The following TRPM2 variants were observed in gnomAD, a reference collection of about 807,000 sequenced individuals.
The protein encoded by TRPM2 is estrogen-responsive element-associated gene 1 protein.
Under a neutral mutation model 174.0 loss-of-function variants are expected in TRPM2, and 161 were observed. The ratio of observed to expected loss-of-function variants is 0.93; its 90% CI spans 0.81 to 1.05. The LOEUF (loss-of-function observed/expected upper bound fraction) is 1.05. Among genes scored for constraint, TRPM2 ranks in the 50% least tolerant of loss-of-function variants. The pLI, the probability that TRPM2 is intolerant of heterozygous loss-of-function variation, is 0.00. For synonymous variants in TRPM2, 954 were observed against 861.3 expected, an observed-to-expected ratio of 1.11 and a Z score of -1.88; for missense variants, 2,057 against 2,038.0, an observed-to-expected ratio of 1.01 and a Z score of -0.18.
At chr21:44,373,817 A>G (rs1250388515) in intron 5 of TRPM2, among the ~76,000 whole-genome samples, 5 of 152,206 alleles carry the variant, frequency 3.3e-5, no homozygotes, top group Admixed American at 2.0e-4. Context: ...TTCATCATTT[A>G]CAGTTCTGCT....
intron 22 of TRPM2, among the ~76,000 whole-genome samples, chr21:44,418,903 G>A (rs1453387152): frequency 1.3e-5 from 2 of 152,242 alleles, no homozygotes; most frequent in Non-Finnish European, 1.5e-5. Context: ...GGGGTGGTTT[G>A]CTCTGTGAGC....
chr21:44,355,277 G>GTCTCT (rs45601835), intron 2 of TRPM2, among the ~76,000 whole-genome samples: 2,403 of 151,946 alleles, frequency 0.016, 52 homozygotes, highest in African/African-American at 0.042. Context: ...CATGGCCACT[G>GTCTCT]TCTCTGAGTG....
intron 13 of TRPM2, among the ~76,000 whole-genome samples, chr21:44,398,145 C>T (rs575909010): frequency 7.9e-5 from 12 of 151,958 alleles, no homozygotes; most frequent in African/African-American, 2.4e-4. Flanking sequence ...CACACAGAGC[C>T]GGCTGAATGG....
At chr21:44,403,766 CATAT>C (rs1491006903) in intron 16 of TRPM2, among the ~76,000 whole-genome samples, 1 of 151,386 alleles carries the variant, frequency 6.6e-6, no homozygotes, top group South Asian at 2.1e-4. Context: ...CATGCATACA[CATAT>C]ACATGCATGC....
chr21:44,355,091 C>T (rs2048017495), intron 2 of TRPM2, among the ~76,000 whole-genome samples: 2 of 152,134 alleles, frequency 1.3e-5, no homozygotes, highest in African/African-American at 4.8e-5. Context: ...AGAGAGAGTC[C>T]CAGGGTCCAG....
chr21:44,373,515 C>T (rs991753298), intron 5 of TRPM2, among the ~76,000 whole-genome samples: 2 of 151,820 alleles, frequency 1.3e-5, no homozygotes, highest in Non-Finnish European at 2.9e-5. Flanking sequence ...GTCTGCTTTT[C>T]GAACAGTGAA....
At chr21:44,403,708 TAC>T (rs965118333) in intron 16 of TRPM2, among the ~76,000 whole-genome samples, 4 of 145,996 alleles carry the variant, frequency 2.7e-5, no homozygotes, top group South Asian at 2.2e-4. Flanking sequence ...TACACATGCA[TAC>T]ACACATATGC....
chr21:44,436,011 C>A (rs1233636662), intron 28 of TRPM2, among the ~76,000 whole-genome samples: 1 of 150,428 alleles, frequency 6.6e-6, no homozygotes, highest in African/African-American at 2.5e-5. Context: ...CCCCCTCAGA[C>A]CCTCTCCATA....
chr21:44,392,214 C>T (rs1202126514), intron 11 of TRPM2, among the ~76,000 whole-genome samples: 1 of 151,616 alleles, frequency 6.6e-6, no homozygotes, highest in Non-Finnish European at 1.5e-5. Flanking sequence ...CCGCTCTCCT[C>T]ACCCTCCAAA....
intron 14 of TRPM2, among the ~76,000 whole-genome samples, chr21:44,400,029 C>T (rs1164745358): frequency 3.9e-5 from 6 of 152,178 alleles, no homozygotes; most frequent in African/African-American, 7.2e-5. Context: ...CCTGCAACTG[C>T]GGGGCCTTCG....
intron 25 of TRPM2, among the ~76,000 whole-genome samples, chr21:44,426,321 C>A (rs377071892): frequency 6.6e-6 from 1 of 152,194 alleles, no homozygotes; most frequent in African/African-American, 2.4e-5. Flanking sequence ...CTGCTGCTTC[C>A]GCTGCCTCCC....
At chr21:44,425,609 C>G in intron 24 of TRPM2, 61 bp from the exon 25 acceptor site, 1 of 1,431,888 alleles carries the variant, frequency 7.0e-7, no homozygotes, top group Non-Finnish European at 9.2e-7. Context: ...AGTCCTTGTC[C>G]TGCGGGCGGG....
At chr21:44,381,522 A>G (rs1053417146) in intron 8 of TRPM2, among the ~76,000 whole-genome samples, 1 of 146,176 alleles carries the variant, frequency 6.8e-6, no homozygotes, top group Non-Finnish European at 1.5e-5. Flanking sequence ...GGCCATGTGG[A>G]TGGATGGATG....
At chr21:44,380,627 G>T (rs1055296851) in intron 8 of TRPM2, among the ~76,000 whole-genome samples, 1 of 152,200 alleles carries the variant, frequency 6.6e-6, no homozygotes, top group Admixed American at 6.5e-5. Context: ...GCCCAGCCAT[G>T]CAGCCAGGGT....
chr21:44,391,478 C>G lies in TRPM2; in HGVS notation c.1647C>G (p.Cys549Trp). 6.2e-7 allele frequency: 1 copy of G among 1,607,448 alleles called. No homozygotes were observed. Among genetic ancestry groups the G allele is most frequent in the African/African-American group, 1.3e-5 (1 of 75,012 alleles). ...TGGAGGATCCCGAGCGCCCGGCTTG[C>G]GCGCCCGCGGCGCCCCGCCTGCAGA... Reference protein sequence around the residue: ...VLVEDPERPACAPAAPRLQMH... With the variant: ...VLVEDPERPAWAPAAPRLQMH... The change falls in exon 11 of 32, where the codon TGC (cysteine) becomes TGG (tryptophan). Residue 549 changes from cysteine to tryptophan, a missense_variant. Coordinates refer to ENST00000397928, the MANE Select transcript of TRPM2 (RefSeq NM_003307.4). This position sits in a 1 kb window ranked among gnomAD's most constrained non-coding sequence, Gnocchi z 5.0.
At chr21:44,389,063 T>A (rs1349501877) in intron 9 of TRPM2, among the ~76,000 whole-genome samples, 1 of 152,170 alleles carries the variant, frequency 6.6e-6, no homozygotes, top group Non-Finnish European at 1.5e-5. Context: ...TATTCCCTCA[T>A]GGCCCTTTGT....
In TRPM2 at chr21:44,401,837, C is replaced by T; in HGVS notation, c.2478C>T (p.Ser826=). ...TGGTGGACTTCCAGCCTGTGCCCTC[C>T]TGGTGCGAGTGTGCCATCTACCTCT... is the stretch of plus-strand genomic sequence containing the variant. ...VLMVDFQPVP[S]WCECAIYLWL... Residue 826 remains serine, a synonymous_variant, in exon 16 of 32, where the codon TCC becomes TCT. Transcript: ENST00000397928. 2 of 1,613,912 alleles carry T rather than the reference C, an allele frequency of 1.2e-6. No homozygotes were observed. Among genetic ancestry groups the T allele is most frequent in the Non-Finnish European group, 1.7e-6 (2 of 1,180,014 alleles).
At chr21:44,406,568 T>C (rs1320990479) in intron 18 of TRPM2, 26 bp from the exon 19 acceptor site, 16 of 1,596,598 alleles carry the variant, frequency 1.0e-5, no homozygotes, top group Non-Finnish European at 1.3e-5. Context: ...CAGGAGAGTG[T>C]AGCCCACACA....
intron 2 of TRPM2, among the ~76,000 whole-genome samples, chr21:44,355,697 C>T (rs1426690481): frequency 1.3e-5 from 2 of 152,068 alleles, no homozygotes; most frequent in East Asian, 1.9e-4. Flanking sequence ...GCCTTCAGCT[C>T]ATATTTACTG....
Sources: allele counts gnomAD v4.1 joint callset (sites outside exome capture counted in the v4.1 genomes callset), GRCh38; gene constraint gnomAD v4.1.1; non-coding constraint Gnocchi (gnomAD v3.1); transcripts MANE v1.5; gene names NCBI Gene and HGNC (gene_info 2026-07-23, HGNC 2026-07-21).